Variants in JPH3 observed in about 807,000 individuals in gnomAD.
The protein encoded by JPH3 is junctophilin-3.
A neutral mutation model predicts 59.6 loss-of-function variants in JPH3; 11 were observed. That is an observed-to-expected ratio of 0.18 (90% CI 0.12 to 0.31). JPH3 has a LOEUF of 0.31. Among genes scored for constraint, JPH3 ranks in the 10% least tolerant of loss-of-function variants. The probability of loss-of-function intolerance (pLI) is 1.00; values close to 1 mark genes in which losing one functional copy is unlikely to be tolerated. For synonymous variants in JPH3, 673 were observed against 483.6 expected (o/e 1.39, Z -5.14); for missense variants, 1,202 against 1,105.7 (o/e 1.09, Z -1.24).
intron 2 of JPH3, among the ~76,000 whole-genome samples, chr16:87,647,138 C>A (rs950679542): frequency 1.3e-5 from 2 of 152,066 alleles, no homozygotes; most frequent in African/African-American, 4.8e-5. Flanking sequence ...TTTGGGGGGC[C>A]CAGGGGCTCT....
At chr16:87,645,846 A>T (rs758903192) in intron 2 of JPH3, among the ~76,000 whole-genome samples, 1 of 152,162 alleles carries the variant, frequency 6.6e-6, no homozygotes, top group Non-Finnish European at 1.5e-5. Flanking sequence ...GGTTGGAGGA[A>T]GTTCCCCTGT....
chr16:87,690,981 G>A (rs530972844), intron 4 of JPH3, among the ~76,000 whole-genome samples: 2 of 152,288 alleles, frequency 1.3e-5, no homozygotes, highest in South Asian at 4.1e-4. Flanking sequence ...TGGGGTTGGG[G>A]GGAGCTGCCA....
intron 2 of JPH3, among the ~76,000 whole-genome samples, chr16:87,655,238 C>T (rs113898854): frequency 1.3e-5 from 2 of 152,260 alleles, no homozygotes; most frequent in African/African-American, 4.8e-5. Context: ...ATATTCGAGG[C>T]GCGCAGCCTG....
At position 87,697,716 on chromosome 16, in the gene JPH3, G is replaced by T. The variant is rs780098558; in HGVS notation, c.*1056G>T. 6.6e-6 allele frequency: 1 copy of T among 152,262 alleles called. No homozygotes were observed. Among genetic ancestry groups the T allele is most frequent in the Admixed American group, 6.5e-5 (1 of 15,292 alleles). The allele number at this position is 152,262 out of a possible 1,614,324, so 9.4% of individuals were successfully genotyped here. A position where few individuals can be genotyped will look rare whatever the true frequency, so the allele number is the denominator to read the frequency against. On this transcript the variant is annotated 3_prime_UTR_variant, in exon 5 of 5. Transcript: ENST00000284262. ...GGGCCTGGTCCCAGGACAGGAATGC[G>T]GTTCAAACCCAGTGGCTTGAAACTT...
At chr16:87,625,655 C>T (rs2031347740) in intron 1 of JPH3, among the ~76,000 whole-genome samples, 1 of 152,142 alleles carries the variant, frequency 6.6e-6, no homozygotes, top group African/African-American at 2.4e-5. Context: ...ACAGGGGTTC[C>T]TGGGGGGCCT....
intron 1 of JPH3, among the ~76,000 whole-genome samples, chr16:87,609,225 G>A (rs12931032): frequency 6.6e-6 from 1 of 152,204 alleles, no homozygotes; most frequent in Non-Finnish European, 1.5e-5. Context: ...CCAGCTTGTG[G>A]AGGTGGGTTT....
intron 1 of JPH3, among the ~76,000 whole-genome samples, chr16:87,636,237 G>C (rs1456970629): frequency 3.9e-5 from 6 of 152,226 alleles, no homozygotes; most frequent in Non-Finnish European, 7.3e-5. Flanking sequence ...GTGCCCTGGG[G>C]TGGGGTGGGG....
At chr16:87,624,860 C>A (rs1022837742) in intron 1 of JPH3, among the ~76,000 whole-genome samples, 1 of 152,196 alleles carries the variant, frequency 6.6e-6, no homozygotes, top group Non-Finnish European at 1.5e-5. Context: ...AGTGCAGTAG[C>A]GTGATCTTGG....
At chr16:87,678,396 G>A (rs1346342103) in intron 2 of JPH3, among the ~76,000 whole-genome samples, 2 of 151,976 alleles carry the variant, frequency 1.3e-5, no homozygotes, top group African/African-American at 2.4e-5. Flanking sequence ...AAAATTAGCC[G>A]GGCTTGGTGG....
intron 2 of JPH3, among the ~76,000 whole-genome samples, chr16:87,679,795 G>A (rs1287915182): frequency 6.6e-6 from 1 of 152,228 alleles, no homozygotes; most frequent in Admixed American, 6.5e-5. Flanking sequence ...AGTTCTCCAG[G>A]CACTGGCCAG....
At chr16:87,622,086 G>A (rs1471890926) in intron 1 of JPH3, among the ~76,000 whole-genome samples, 1 of 145,278 alleles carries the variant, frequency 6.9e-6, no homozygotes, top group Non-Finnish European at 1.5e-5. Flanking sequence ...AGCCTGGCAG[G>A]AGCTCCAGGT....
intron 4 of JPH3, among the ~76,000 whole-genome samples, chr16:87,691,015 G>T (rs112725804): frequency 1.2e-4 from 19 of 152,134 alleles, no homozygotes; most frequent in African/African-American, 4.1e-4. Flanking sequence ...TCACCCATGG[G>T]GGGTGTTGGG....
At chr16:87,622,177 C>T (rs984004605) in intron 1 of JPH3, among the ~76,000 whole-genome samples, 4 of 152,194 alleles carry the variant, frequency 2.6e-5, no homozygotes, top group Admixed American at 6.5e-5. Flanking sequence ...TCTCTGCCGC[C>T]GTCTGCCCCA....
chr16:87,692,274 T>TG (rs2033610684), intron 4 of JPH3, among the ~76,000 whole-genome samples: 1 of 152,126 alleles, frequency 6.6e-6, no homozygotes, highest in Non-Finnish European at 1.5e-5. Context: ...TGAGGGGAGA[T>TG]GGTGTGTAGA....
chr16:87,690,450 T>C lies in JPH3; in HGVS notation c.2090T>C (p.Phe697Ser). 1.3e-6 allele frequency: 2 copies of C among 1,486,154 alleles called. No individual in the cohort carries two copies. Among genetic ancestry groups the C allele is most frequent in the East Asian group, 4.8e-5 (2 of 41,744 alleles). 92.1% of individuals were successfully genotyped at this position (1,486,154 alleles called of 1,614,324 possible). A position where few individuals can be genotyped will look rare whatever the true frequency, so the allele number is the denominator to read the frequency against. ...CGGTTGCTGCGTTGGGACTTGACCT[T>C]CTCCCCGCCCCAGAAATCCTTGCCT... is the stretch of plus-strand genomic sequence containing the variant. Reference protein sequence around the residue: ...EPRLLRWDLTFSPPQKSLPVA... With the variant: ...EPRLLRWDLTSSPPQKSLPVA... Residue 697 changes from phenylalanine to serine, a missense_variant, in exon 4 of 5, where the codon TTC (phenylalanine) becomes TCC (serine). By Grantham distance (155) the Phe-to-Ser change is radical. Transcript: ENST00000284262.
chr16:87,649,219 C>A (rs1226189664), intron 2 of JPH3, among the ~76,000 whole-genome samples: 1 of 152,198 alleles, frequency 6.6e-6, no homozygotes, highest in Non-Finnish European at 1.5e-5. Context: ...TGGGGTCAGC[C>A]TCACCCCAGT....
intron 1 of JPH3, among the ~76,000 whole-genome samples, chr16:87,627,165 C>T (rs1489520080): frequency 1.3e-5 from 2 of 152,186 alleles, no homozygotes; most frequent in Non-Finnish European, 2.9e-5. Flanking sequence ...CAACTCAAGC[C>T]TCTTTGCCCT....
chr16:87,635,752 G>T (rs1365824885), intron 1 of JPH3, among the ~76,000 whole-genome samples: 2 of 152,142 alleles, frequency 1.3e-5, no homozygotes, highest in African/African-American at 4.8e-5. Flanking sequence ...AGGTTTAGGG[G>T]GTTTGTTCCT....
In JPH3 at chr16:87,689,761, C is replaced by G. The variant is rs1365162212; in HGVS notation, c.1401C>G (p.Pro467=). 6.2e-7 allele frequency: 1 copy of G among 1,611,754 alleles called. No homozygotes were observed. The highest frequency in any genetic ancestry group is 8.5e-7 in the Non-Finnish European group (1 of 1,179,568). ...SPELYRKGTT[P]SDLTPDDSPL... Reference sequence around the variant, plus strand: ...AGCTGTACCGCAAGGGCACCACTCCCTCCGACCTGACCCCCGACGACAGCC... The same window carrying G: ...AGCTGTACCGCAAGGGCACCACTCCGTCCGACCTGACCCCCGACGACAGCC... Residue 467 remains proline (P), a synonymous_variant, in exon 4 of 5, where the codon CCC becomes CCG. Coordinates refer to ENST00000284262, the MANE Select transcript of JPH3 (RefSeq NM_020655.4).
Sources: allele counts gnomAD v4.1 joint callset (sites outside exome capture counted in the v4.1 genomes callset), GRCh38; gene constraint gnomAD v4.1.1; transcripts MANE v1.5; gene names NCBI Gene and HGNC (gene_info 2026-07-23, HGNC 2026-07-21).